ITGA8: variants seen among roughly 807,000 people sequenced by gnomAD.
ITGA8 encodes the protein integrin subunit alpha 8, also known as integrin alpha-8.
Under a neutral mutation model 142.3 loss-of-function variants are expected in ITGA8, and 91 were observed. The observed-to-expected ratio is 0.64, with a 90% CI of 0.54 to 0.76. ITGA8 has a LOEUF of 0.76. ITGA8 is among the 30% of genes least tolerant of loss of function. ITGA8 has a pLI of 0.00. For missense variants in ITGA8, 1,406 were observed against 1,327.7 expected (o/e 1.06, Z -0.92); for synonymous variants, 505 against 485.2 (o/e 1.04, Z -0.54).
At chr10:15,617,751 A>T (rs1210031254) in intron 13 of ITGA8, among the ~76,000 whole-genome samples, 1 of 151,826 alleles carries the variant, frequency 6.6e-6, no homozygotes, top group Non-Finnish European at 1.5e-5. Context: ...GCAATCAAAC[A>T]CAAATAAAAA....
At chr10:15,694,215 A>G in intron 2 of ITGA8, among the ~76,000 whole-genome samples, 1 of 141,784 alleles carries the variant, frequency 7.1e-6, no homozygotes, top group African/African-American at 2.6e-5. Flanking sequence ...TATATATGAT[A>G]ACATATCATA....
intron 2 of ITGA8, among the ~76,000 whole-genome samples, chr10:15,706,907 T>A (rs919326083): frequency 1.3e-5 from 2 of 152,164 alleles, no homozygotes; most frequent in African/African-American, 4.8e-5. Flanking sequence ...TTCCTATCAC[T>A]CTTGCCCCGA....
intron 7 of ITGA8, 84 bp from the exon 8 acceptor site, chr10:15,671,731 C>T: frequency 1.0e-6 from 1 of 992,464 alleles, no homozygotes; most frequent in South Asian, 1.4e-5. Flanking sequence ...GAAAGGGCTA[C>T]CATGGTACTG....
intron 13 of ITGA8, among the ~76,000 whole-genome samples, chr10:15,618,547 G>C (rs1481058609): frequency 6.6e-6 from 1 of 152,226 alleles, no homozygotes; most frequent in African/African-American, 2.4e-5. Context: ...GGGTGTGTCT[G>C]TGAGGGTGTT....
intron 26 of ITGA8, among the ~76,000 whole-genome samples, chr10:15,555,433 A>C (rs1016187387): frequency 6.6e-6 from 1 of 152,214 alleles, no homozygotes; most frequent in African/African-American, 2.4e-5. Context: ...TGAGAAAAAA[A>C]ACATGCCACC....
chr10:15,605,201 G>A (rs569875515), intron 19 of ITGA8, among the ~76,000 whole-genome samples: 4 of 152,144 alleles, frequency 2.6e-5, no homozygotes, highest in African/African-American at 7.2e-5. Flanking sequence ...GAATGGGGGC[G>A]TCCATTACTG....
At chr10:15,663,485 C>T (rs1350891644) in intron 8 of ITGA8, among the ~76,000 whole-genome samples, 3 of 151,876 alleles carry the variant, frequency 2.0e-5, no homozygotes, top group Non-Finnish European at 2.9e-5. Context: ...TGTTTTCTAC[C>T]ATCTTTCCCT....
chr10:15,633,321 G>T (rs1052317258), intron 13 of ITGA8, among the ~76,000 whole-genome samples: 1 of 151,980 alleles, frequency 6.6e-6, no homozygotes, highest in African/African-American at 2.4e-5. Flanking sequence ...AAATAAAGAA[G>T]GTATGGTTAA....
At chr10:15,678,870 C>A in intron 4 of ITGA8, 87 bp from the exon 5 acceptor site, 1 of 731,806 alleles carries the variant, frequency 1.4e-6, no homozygotes, top group South Asian at 2.0e-5. Flanking sequence ...ATGTTATTTT[C>A]TCTAGAACCT....
intron 26 of ITGA8, among the ~76,000 whole-genome samples, chr10:15,553,309 T>G (rs904785074): frequency 4.6e-5 from 7 of 151,026 alleles, no homozygotes; most frequent in Admixed American, 1.3e-4. Flanking sequence ...ATAGTTTTTT[T>G]TTTTTTTTTT....
chr10:15,647,817 C>CT (rs1336501302), intron 11 of ITGA8, among the ~76,000 whole-genome samples: 1 of 152,132 alleles, frequency 6.6e-6, no homozygotes, highest in African/African-American at 2.4e-5. Flanking sequence ...CTTCCCTTTC[C>CT]TTTTGTTAGC....
At chr10:15,544,692 T>C (rs1321818312) in intron 27 of ITGA8, among the ~76,000 whole-genome samples, 3 of 152,240 alleles carry the variant, frequency 2.0e-5, no homozygotes, top group Non-Finnish European at 4.4e-5. Flanking sequence ...CCAGGGATTC[T>C]TCCCTCCTGG....
intron 2 of ITGA8, among the ~76,000 whole-genome samples, chr10:15,717,609 G>A (rs1835477135): frequency 6.6e-6 from 1 of 152,070 alleles, no homozygotes; most frequent in South Asian, 2.1e-4. Flanking sequence ...AAAATGATAA[G>A]CTATTGTGAC....
At position 15,671,665 on chromosome 10, in the gene ITGA8, A is replaced by T. The variant is rs774339622; in HGVS notation, c.803-18T>A. On this transcript the variant is annotated intron_variant, in intron 7 of 29. Coordinates refer to ENST00000378076, the MANE Select transcript of ITGA8 (RefSeq NM_003638.3). ...TGAGTATCCTGTTTTAAAGAAAAAG[A>T]AACAAACTAATCACACTTAATGACT... The T allele has an allele frequency of 1.2e-6, 2 of 1,600,258 alleles. No individual in the cohort carries two copies. The highest frequency in any genetic ancestry group is 1.7e-6 in the Non-Finnish European group (2 of 1,167,658).
Position 15,672,619 on chromosome 10 carries a change from C to G in ITGA8, c.802+5G>C, listed in dbSNP as rs1406266955. The G allele has an allele frequency of 2.5e-6, 4 of 1,611,036 alleles. No individual in the cohort carries two copies. The highest frequency in any genetic ancestry group is 3.4e-6 in the Non-Finnish European group (4 of 1,178,882). On this transcript the variant is annotated splice_donor_5th_base_variant and intron_variant, in intron 7 of 29. Transcript: ENST00000378076. ...ACCACAAATGTCTTGGGCAATGGGT[C>G]TTACCAAGGTAACTGTCATCATAGG...
In ITGA8 at chr10:15,586,466, T is replaced by C. The variant is rs1273953827; in HGVS notation, c.2372+118A>G. ...ATCAGTAGAAAAGAGTGAAAATTAA[T>C]ATCCAAAATGAACTGTGATCTCTAA... On this transcript the variant is annotated intron_variant, in intron 23 of 29. Coordinates refer to ENST00000378076, the MANE Select transcript of ITGA8 (RefSeq NM_003638.3). The C allele has an allele frequency of 2.3e-5, 14 of 614,370 alleles. No homozygotes were observed. The South Asian group carries it at 3.0e-4, about 13-fold the overall frequency. 38.1% of individuals were successfully genotyped at this position (614,370 alleles called of 1,614,324 possible).
intron 13 of ITGA8, among the ~76,000 whole-genome samples, chr10:15,618,739 C>T (rs1833438905): frequency 6.6e-6 from 1 of 152,156 alleles, no homozygotes; most frequent in African/African-American, 2.4e-5. Flanking sequence ...TGCTTCCTGC[C>T]CTCGAACATC....
At chr10:15,554,477 A>G (rs1054911126) in intron 26 of ITGA8, among the ~76,000 whole-genome samples, 3 of 151,880 alleles carry the variant, frequency 2.0e-5, no homozygotes, top group African/African-American at 4.8e-5. Context: ...GCCCAGATCC[A>G]CCCCTTGCAT....
chr10:15,537,125 T>C (rs1034785369), intron 27 of ITGA8, among the ~76,000 whole-genome samples: 7 of 152,212 alleles, frequency 4.6e-5, no homozygotes, highest in African/African-American at 1.2e-4. Flanking sequence ...CTGACCAGTT[T>C]GCATGTTCGT....
Sources: allele counts gnomAD v4.1 joint callset (sites outside exome capture counted in the v4.1 genomes callset), GRCh38; gene constraint gnomAD v4.1.1; transcripts MANE v1.5; gene names NCBI Gene and HGNC (gene_info 2026-07-23, HGNC 2026-07-21).